XIRP2: variants seen among roughly 807,000 people sequenced by gnomAD.
XIRP2 encodes the protein xin actin binding repeat containing 2, also known as xin actin-binding repeat-containing protein 2.
Under a neutral mutation model 277.0 loss-of-function variants are expected in XIRP2, and 236 were observed. That is an observed-to-expected ratio of 0.85 (90% CI 0.77 to 0.95). XIRP2 has a LOEUF of 0.95. Among genes scored for constraint, XIRP2 ranks in the 40% least tolerant of loss-of-function variants. XIRP2 has a pLI of 0.00. For synonymous variants in XIRP2, 1,490 were observed against 1,416.5 expected, an observed-to-expected ratio of 1.05 and a Z score of -1.17; for missense variants, 4,640 against 4,157.5, an observed-to-expected ratio of 1.12 and a Z score of -3.19.
intron 2 of XIRP2, among the ~76,000 whole-genome samples, chr2:167,087,016 G>T (rs1025605182): frequency 5.3e-5 from 8 of 151,174 alleles, no homozygotes; most frequent in Non-Finnish European, 1.2e-4. Flanking sequence ...GAGGAGAGGC[G>T]CTCTGCGTTT....
intron 2 of XIRP2, among the ~76,000 whole-genome samples, chr2:166,979,140 A>G (rs1415326820): frequency 6.6e-6 from 1 of 152,070 alleles, no homozygotes; most frequent in African/African-American, 2.4e-5. Context: ...GCCTTTTTTC[A>G]TGGAACATGG....
chr2:167,251,207 T>G lies in XIRP2; in HGVS notation c.9815T>G (p.Val3272Gly), dbSNP rs1048280204. 6.2e-7 allele frequency: 1 copy of G among 1,613,524 alleles called. No homozygotes were observed. Among genetic ancestry groups the G allele is most frequent in the Non-Finnish European group, 8.5e-7 (1 of 1,179,704 alleles). ...AAAGTGGAGAAGAGAGCTACTTATG[T>G]TCATAAAGATGGACTAAATTCCACT... ...IRKVEKRATY[V>G]HKDGLNSTDH... is the part of the protein sequence containing the mutation. Residue 3272 changes from valine to glycine, a missense_variant, in exon 9 of 11, where the codon GTT (valine) becomes GGT (glycine). By Grantham distance (109) the Val-to-Gly change is moderately radical. Transcript: ENST00000409195.
At chr2:167,181,511 A>T (rs1383453336) in intron 3 of XIRP2, among the ~76,000 whole-genome samples, 1 of 152,074 alleles carries the variant, frequency 6.6e-6, no homozygotes, top group Non-Finnish European at 1.5e-5. Flanking sequence ...ATTATTAGTA[A>T]TTAATGTTAT....
At position 167,247,575 on chromosome 2, in the gene XIRP2, A is replaced by G; in HGVS notation, c.6183A>G (p.Lys2061=). 6.2e-7 allele frequency: 1 copy of G among 1,613,734 alleles called. No individual in the cohort carries two copies. The part of the protein sequence containing the change: ...HKSNVLESGD[K]TGVWTDTTGE... ...CTAATGTTTTGGAATCAGGAGACAA[A>G]ACGGGTGTCTGGACTGATACTACAG... The change falls in exon 9 of 11, where the codon AAA becomes AAG. Residue 2061 remains lysine, a synonymous_variant. Coordinates refer to ENST00000409195, the MANE Select transcript of XIRP2 (RefSeq NM_152381.6).
At chr2:167,163,982 CTA>C (rs1692448860) in intron 3 of XIRP2, among the ~76,000 whole-genome samples, 1 of 151,980 alleles carries the variant, frequency 6.6e-6, no homozygotes, top group South Asian at 2.1e-4. Flanking sequence ...TTTTATTGAC[CTA>C]TGTTTTATTC....
At chr2:167,108,743 C>G (rs1367891399) in intron 2 of XIRP2, among the ~76,000 whole-genome samples, 1 of 151,880 alleles carries the variant, frequency 6.6e-6, no homozygotes, top group Admixed American at 6.6e-5. Context: ...TAAATGTACA[C>G]TCTTTAAAAT....
intron 2 of XIRP2, among the ~76,000 whole-genome samples, chr2:167,038,887 TA>T (rs1688584249): frequency 6.6e-6 from 1 of 152,094 alleles, no homozygotes; most frequent in African/African-American, 2.4e-5. Context: ...GGCCACTTAA[TA>T]AACTATTTTA....
chr2:166,918,180 T>C (rs544815322), intron 2 of XIRP2, among the ~76,000 whole-genome samples: 1 of 152,306 alleles, frequency 6.6e-6, no homozygotes, highest in East Asian at 1.9e-4. Context: ...TTTTCCACAG[T>C]AAATGGAAGT....
In XIRP2 at chr2:167,246,398, A is replaced by C; in HGVS notation, c.5006A>C (p.Glu1669Ala). Residue 1669 changes from glutamate (E) to alanine (A), a missense_variant, in exon 9 of 11, where the codon GAG (glutamate) becomes GCG (alanine). Physicochemically the swap from Glu to Ala is moderately radical, Grantham distance 107 (BLOSUM62 -1). Coordinates refer to ENST00000409195, the MANE Select transcript of XIRP2 (RefSeq NM_152381.6). ...VQQAIKNLFS[E>A]ERSVKKGILI... ...CAAGCAATAAAAAACCTGTTCTCTG[A>C]GGAAAGATCTGTAAAGAAAGGCATC... The C allele has an allele frequency of 6.2e-7, 1 of 1,613,612 alleles. No homozygotes were observed. The highest frequency in any genetic ancestry group is 1.3e-5 in the African/African-American group (1 of 75,002).
At chr2:166,906,764 C>G (rs576869645) in intron 2 of XIRP2, among the ~76,000 whole-genome samples, 3 of 152,036 alleles carry the variant, frequency 2.0e-5, no homozygotes, top group Admixed American at 6.5e-5. Context: ...CCAGAACAGC[C>G]CAGGCAACCC....
At chr2:167,187,307 A>G (rs187450643) in intron 3 of XIRP2, 1 of 985,372 alleles carries the variant, frequency 1.0e-6, no homozygotes, top group African/African-American at 1.7e-5. Flanking sequence ...TCCTAAAAAT[A>G]GGTGCCAAGT....
chr2:167,042,218 C>A (rs1158976428), intron 2 of XIRP2, among the ~76,000 whole-genome samples: 1 of 152,154 alleles, frequency 6.6e-6, no homozygotes, highest in East Asian at 1.9e-4. Context: ...AAGATCATTA[C>A]CTGTCACCAC....
intron 2 of XIRP2, among the ~76,000 whole-genome samples, chr2:167,090,782 C>T (rs972943854): frequency 4.6e-5 from 7 of 152,014 alleles, no homozygotes; most frequent in African/African-American, 1.5e-4. Context: ...TCCATTCCTG[C>T]AAGAACCAAT....
chr2:166,952,238 T>G (rs1406288531), intron 2 of XIRP2, among the ~76,000 whole-genome samples: 1 of 152,006 alleles, frequency 6.6e-6, no homozygotes, highest in Admixed American at 6.6e-5. Context: ...GCTACATTCG[T>G]CCGGTGGATG....
intron 3 of XIRP2, among the ~76,000 whole-genome samples, chr2:167,193,835 G>A (rs1693419918): frequency 7.2e-6 from 1 of 138,854 alleles, no homozygotes; most frequent in Non-Finnish European, 1.5e-5. Context: ...CCAAGATCAT[G>A]CCACTACACT....
chr2:167,012,026 G>C (rs367792135), intron 2 of XIRP2, among the ~76,000 whole-genome samples: 31 of 151,920 alleles, frequency 2.0e-4, no homozygotes, highest in East Asian at 1.4e-3. Context: ...AAAACCAGCT[G>C]CTGGATTCAT....
intron 2 of XIRP2, among the ~76,000 whole-genome samples, chr2:167,086,006 G>A (rs1689930422): frequency 1.3e-5 from 2 of 151,604 alleles, no homozygotes. Flanking sequence ...TGGTTATTTT[G>A]CTCGTTAGTT....
intron 2 of XIRP2, among the ~76,000 whole-genome samples, chr2:167,114,443 C>CT (rs1045807924): frequency 5.3e-5 from 8 of 151,780 alleles, no homozygotes; most frequent in East Asian, 1.9e-4. Context: ...TTATGCAATT[C>CT]TTTTTTTTAT....
chr2:167,036,987 C>A (rs1292820163), intron 2 of XIRP2, among the ~76,000 whole-genome samples: 2 of 152,150 alleles, frequency 1.3e-5, no homozygotes, highest in Non-Finnish European at 2.9e-5. Flanking sequence ...GATTCTGAGG[C>A]CTCCCTAGCC....
Sources: allele counts gnomAD v4.1 joint callset (sites outside exome capture counted in the v4.1 genomes callset), GRCh38; gene constraint gnomAD v4.1.1; transcripts MANE v1.5; gene names NCBI Gene and HGNC (gene_info 2026-07-23, HGNC 2026-07-21).